MAFK: variants seen among roughly 807,000 people sequenced by gnomAD.
The protein encoded by MAFK is MAF bZIP transcription factor K.
MAFK carries 1 observed loss-of-function variant against 9.2 expected under a neutral mutation model. The ratio of observed to expected loss-of-function variants is 0.11; its 90% CI spans 0.04 to 0.52. The LOEUF (loss-of-function observed/expected upper bound fraction) is 0.52, where lower values mean the gene tolerates loss of function less well. Among genes scored for constraint, MAFK ranks in the 20% least tolerant of loss-of-function variants. The pLI, the probability that MAFK is intolerant of heterozygous loss-of-function variation, is 0.94. For missense variants in MAFK, 207 were observed against 236.0 expected (o/e 0.88, Z 0.81); for synonymous variants, 110 against 107.4 (o/e 1.02, Z -0.15).
rs1180192327 is a variant in MAFK at position 1,534,962 on chromosome 7, A to G, written c.-45+4064A>G. Among the ~76,000 whole-genome samples, 2 of 151,830 alleles carry G rather than the reference A, an allele frequency of 1.3e-5. No individual in the cohort carries two copies. The highest frequency in any genetic ancestry group is 4.8e-5 in the African/African-American group (2 of 41,286). ...CCTGTCACTCAGGCTGCTGGAGTGC[A>G]GTGGTGTGATCACAGCTCACTGCAA... is the stretch of plus-strand genomic sequence containing the variant. On this transcript the variant is annotated intron_variant, in intron 1 of 2. Transcript: ENST00000343242. This position sits in a 1 kb window ranked among gnomAD's most constrained non-coding sequence, Gnocchi z 4.3.
Position 1,539,923 on chromosome 7 carries a change from C to T in MAFK, c.37-18C>T, listed in dbSNP as rs1056805671. On this transcript the variant is annotated intron_variant, in intron 2 of 2. Transcript: ENST00000343242. ...CCCCACGTTCTCCCGCCGCTGACCC[C>T]GCACTGTGGCCCCCCAGGTCAAGAA... The T allele has an allele frequency of 1.4e-5, 21 of 1,507,670 alleles. No homozygotes were observed. The highest frequency in any genetic ancestry group is 8.4e-5 in the Admixed American group (4 of 47,810). The allele number at this position is 1,507,670 out of a possible 1,614,324, so 93.4% of individuals were successfully genotyped here.
intron 1 of MAFK, among the ~76,000 whole-genome samples, chr7:1,536,992 CCTCGAAGTA>C (rs947371375): frequency 6.6e-6 from 1 of 152,190 alleles, no homozygotes; most frequent in African/African-American, 2.4e-5. Context: ...TGCAGGTGTG[CCTCGAAGTA>C]CTGGGGTTGG....
In MAFK at chr7:1,534,852, C is replaced by T. The variant is rs1257419618; in HGVS notation, c.-45+3954C>T. ...CTCTATGGGCATCCACAGCCGGGAC[C>T]GTTCAGAGGGGTCATCCAGCCGTCA... On this transcript the variant is annotated intron_variant, in intron 1 of 2. Transcript: ENST00000343242. This position sits in a 1 kb window ranked among gnomAD's most constrained non-coding sequence, Gnocchi z 4.3. 3 of 325,686 alleles carry T rather than the reference C, an allele frequency of 9.2e-6. No homozygotes were observed. Among genetic ancestry groups the T allele is most frequent in the South Asian group, 2.4e-5 (1 of 41,364 alleles). The allele number at this position is 325,686 out of a possible 1,614,324, so 20.2% of individuals were successfully genotyped here. A position where few individuals can be genotyped will look rare whatever the true frequency, so the allele number is the denominator to read the frequency against.
rs1182168541 is a variant in MAFK, at chr7:1,534,149, G to A, written c.-45+3251G>A. 17 of 439,398 alleles carry A rather than the reference G, an allele frequency of 3.9e-5. No individual in the cohort carries two copies. The East Asian group carries it at 7.9e-4, about 20-fold the overall frequency. 27.2% of individuals were successfully genotyped at this position (439,398 alleles called of 1,614,324 possible). On this transcript the variant is annotated intron_variant, in intron 1 of 2. Coordinates refer to ENST00000343242, the MANE Select transcript of MAFK (RefSeq NM_002360.4). This position sits in a 1 kb window ranked among gnomAD's most constrained non-coding sequence, Gnocchi z 4.3. ...TGCTGGCTGGTATGGGCCGGGCTGCGGGGTGCCAAGTGGGGTGCCTCCCGC... is the reference window on the plus strand; with the variant it reads ...TGCTGGCTGGTATGGGCCGGGCTGCAGGGTGCCAAGTGGGGTGCCTCCCGC...
rs141736632 is a variant in MAFK, at chr7:1,536,418, C to T, written c.-44-2731C>T. Among the ~76,000 whole-genome samples the T allele has an allele frequency of 8.6e-3, 1,304 of 152,270 alleles. 13 individuals are homozygous for T. The highest frequency in any genetic ancestry group is 0.015 in the Non-Finnish European group (1,030 of 68,022). ...CCAGGTGCTAATGCAGTAGCCCCTG[C>T]CTTGGGCCCGGGGTAGTGCACGGGC... On this transcript the variant is annotated intron_variant, in intron 1 of 2. Coordinates refer to ENST00000343242, the MANE Select transcript of MAFK (RefSeq NM_002360.4).
rs371940307 is a variant in MAFK at position 1,534,170 on chromosome 7, C to T, written c.-45+3272C>T. 5 of 449,430 alleles carry T rather than the reference C, an allele frequency of 1.1e-5. No individual in the cohort carries two copies. Among genetic ancestry groups the T allele is most frequent in the African/African-American group, 6.0e-5 (3 of 50,030 alleles). 27.8% of individuals were successfully genotyped at this position (449,430 alleles called of 1,614,324 possible). A position where few individuals can be genotyped will look rare whatever the true frequency, so the allele number is the denominator to read the frequency against. ...CTGCGGGGTGCCAAGTGGGGTGCCT[C>T]CCGCATGCTTAGTGGGGCTGTGTCC... On this transcript the variant is annotated intron_variant, in intron 1 of 2. Coordinates refer to ENST00000343242, the MANE Select transcript of MAFK (RefSeq NM_002360.4). The surrounding 1 kb of genome is among the most constrained non-coding windows in gnomAD (Gnocchi z 4.3).
chr7:1,535,269 G>C (rs1351793172), intron 1 of MAFK, among the ~76,000 whole-genome samples: 3 of 152,142 alleles, frequency 2.0e-5, no homozygotes, highest in African/African-American at 7.2e-5. Context: ...TTCTCAGCTT[G>C]TGCCAGCACA....
chr7:1,540,042 G>A lies in MAFK; in HGVS notation c.138G>A (p.Lys46=), dbSNP rs777676821. 19 of 1,559,372 alleles carry A rather than the reference G, an allele frequency of 1.2e-5. No homozygotes were observed. Among genetic ancestry groups the A allele is most frequent in the Non-Finnish European group, 1.6e-5 (18 of 1,151,772 alleles). Residue 46 remains lysine (K), a synonymous_variant, in exon 3 of 3, where the codon AAG becomes AAA. Coordinates refer to ENST00000343242, the MANE Select transcript of MAFK (RefSeq NM_002360.4). ...ACCAGCACCTGCGGGGTCTCACCAA[G>A]GAGGAGGTGACCCGCCTGAAGCAGC... ...ELNQHLRGLT[K]EEVTRLKQRR... is the part of the protein sequence containing the mutation.
At chr7:1,538,289 G>A (rs1371397117) in intron 1 of MAFK, 8 of 985,490 alleles carry the variant, frequency 8.1e-6, no homozygotes, top group South Asian at 4.7e-5. Flanking sequence ...CCCGCCAGAC[G>A]GTCAAATGCT....
intron 2 of MAFK, 91 bp from the exon 3 acceptor site, chr7:1,539,850 G>A: frequency 8.8e-7 from 1 of 1,139,322 alleles, no homozygotes; most frequent in South Asian, 1.6e-5. Context: ...AGGCGTGCAG[G>A]GGCACCGCTG....
intron 1 of MAFK, among the ~76,000 whole-genome samples, chr7:1,536,932 C>T (rs1043203847): frequency 1.3e-5 from 2 of 152,174 alleles, no homozygotes; most frequent in African/African-American, 4.8e-5. Context: ...GCGTGGGGGC[C>T]GCCTGGGAGC....
chr7:1,531,837 A>G (rs2128550578), intron 1 of MAFK, among the ~76,000 whole-genome samples: 1 of 151,994 alleles, frequency 6.6e-6, no homozygotes, highest in South Asian at 2.1e-4. Context: ...TCTCGCGCTC[A>G]CACCGTGTGT....
At position 1,534,425 on chromosome 7, in the gene MAFK, A is replaced by G; in HGVS notation, c.-45+3527A>G. 2.3e-6 allele frequency: 1 copy of G among 433,494 alleles called. No homozygotes were observed. The highest frequency in any genetic ancestry group is 3.4e-4 in the Middle Eastern group (1 of 2,954). 26.9% of individuals were successfully genotyped at this position (433,494 alleles called of 1,614,324 possible). On this transcript the variant is annotated intron_variant, in intron 1 of 2. Coordinates refer to ENST00000343242, the MANE Select transcript of MAFK (RefSeq NM_002360.4). The surrounding 1 kb of genome is among the most constrained non-coding windows in gnomAD (Gnocchi z 4.3). The stretch of plus-strand genomic sequence containing the variant: ...AAAGGCTCCTGGGAGAGGCGGGTAC[A>G]CCTTGGGTGGCCTCTGGTTTTGTGG...
rs999714248 is a variant in MAFK, at chr7:1,534,748, G to T, written c.-45+3850G>T. On this transcript the variant is annotated intron_variant, in intron 1 of 2. Coordinates refer to ENST00000343242, the MANE Select transcript of MAFK (RefSeq NM_002360.4). The surrounding 1 kb of genome is among the most constrained non-coding windows in gnomAD (Gnocchi z 4.3). ...TGACCCATCCAGAGCCCCCATGCTGGCCTCGTAGAGCGAGCGGCAGCCCCG... is the reference window on the plus strand; with the variant it reads ...TGACCCATCCAGAGCCCCCATGCTGTCCTCGTAGAGCGAGCGGCAGCCCCG... 9 of 416,974 alleles carry T rather than the reference G, an allele frequency of 2.2e-5. No individual in the cohort carries two copies. Among genetic ancestry groups the T allele is most frequent in the Non-Finnish European group, 3.5e-5 (7 of 201,628 alleles). The allele number at this position is 416,974 out of a possible 1,614,324, so 25.8% of individuals were successfully genotyped here. A position where few individuals can be genotyped will look rare whatever the true frequency, so the allele number is the denominator to read the frequency against.
Position 1,532,230 on chromosome 7 carries a change from C to T in MAFK, c.-45+1332C>T, listed in dbSNP as rs960025242. Among the ~76,000 whole-genome samples, 2 of 152,210 alleles carry T rather than the reference C, an allele frequency of 1.3e-5. No homozygotes were observed. Among genetic ancestry groups the T allele is most frequent in the Non-Finnish European group, 1.5e-5 (1 of 68,046 alleles). On this transcript the variant is annotated intron_variant, in intron 1 of 2. Coordinates refer to ENST00000343242, the MANE Select transcript of MAFK (RefSeq NM_002360.4). The surrounding 1 kb of genome is among the most constrained non-coding windows in gnomAD (Gnocchi z 4.5). The stretch of plus-strand genomic sequence containing the variant: ...ACACAGAGTGGGGTGCCCTATGCAG[C>T]TTCTCCAAACCCAATGTCTTCAGGG...
intron 1 of MAFK, chr7:1,538,236 C>A: frequency 1.0e-6 from 1 of 982,464 alleles, no homozygotes; most frequent in Non-Finnish European, 1.2e-6. Context: ...ATGTGTGACA[C>A]AATGCAGACG....
rs373141825 is a variant in MAFK, at chr7:1,540,594, G to A, written c.*219G>A. 1.0e-4 allele frequency: 55 copies of A among 547,708 alleles called. No individual in the cohort carries two copies. The East Asian group carries it at 1.6e-3, about 16-fold the overall frequency. The allele number at this position is 547,708 out of a possible 1,614,324, so 33.9% of individuals were successfully genotyped here. On this transcript the variant is annotated 3_prime_UTR_variant, in exon 3 of 3. Transcript: ENST00000343242. ...CACGCCGGTCCACAGACACACTCAC[G>A]CCCGCCACCTGCTCCCCGCAGGATG...
intron 2 of MAFK, among the ~76,000 whole-genome samples, chr7:1,539,558 C>T (rs1042757648): frequency 4.6e-5 from 7 of 152,308 alleles, no homozygotes; most frequent in South Asian, 2.1e-4. Flanking sequence ...CTCTGGTGAA[C>T]GCGATGCTCC....
rs767098163 is a variant in MAFK, at chr7:1,534,643, G to A, written c.-45+3745G>A. The A allele has an allele frequency of 1.8e-5, 8 of 455,916 alleles. No individual in the cohort carries two copies. Among genetic ancestry groups the A allele is most frequent in the Middle Eastern group, 3.2e-4 (1 of 3,090 alleles). The allele number at this position is 455,916 out of a possible 1,614,324, so 28.2% of individuals were successfully genotyped here. A position where few individuals can be genotyped will look rare whatever the true frequency, so the allele number is the denominator to read the frequency against. ...AGAATAGAAGTGGAAGGGCCACTCC[G>A]TCTTGGTCAGACTGGCTGGGCAGCT... On this transcript the variant is annotated intron_variant, in intron 1 of 2. Coordinates refer to ENST00000343242, the MANE Select transcript of MAFK (RefSeq NM_002360.4). This position sits in a 1 kb window ranked among gnomAD's most constrained non-coding sequence, Gnocchi z 4.3.
Sources: gnomAD v4.1 joint callset for allele counts (sites outside exome capture counted in the v4.1 genomes callset) on GRCh38, gnomAD v4.1.1 for gene constraint, Gnocchi (gnomAD v3.1) non-coding constraint, MANE v1.5 for transcripts, NCBI Gene and HGNC (gene_info 2026-07-23, HGNC 2026-07-21) for gene names.